The following MAPKAP1 variants were observed in gnomAD, a reference collection of about 807,000 sequenced individuals.
MAPKAP1 encodes target of rapamycin complex 2 subunit MAPKAP1.
Under a neutral mutation model 65.7 loss-of-function variants are expected in MAPKAP1, and 20 were observed. The observed-to-expected ratio is 0.30, with a 90% CI of 0.21 to 0.44. The LOEUF is 0.44. Among genes scored for constraint, MAPKAP1 ranks in the 20% least tolerant of loss-of-function variants. MAPKAP1 has a pLI of 1.00. For synonymous variants in MAPKAP1, 222 were observed against 244.3 expected (o/e 0.91, Z 0.85); for missense variants, 423 against 648.0 (o/e 0.65, Z 3.77).
intron 1 of MAPKAP1, among the ~76,000 whole-genome samples, chr9:125,703,143 G>C (rs1835653869): frequency 6.6e-6 from 1 of 152,220 alleles, no homozygotes; most frequent in Non-Finnish European, 1.5e-5. Flanking sequence ...AAGTGGAGCT[G>C]AGCAGCAACT....
chr9:125,511,494 C>T (rs562558352), intron 7 of MAPKAP1, among the ~76,000 whole-genome samples: 2 of 152,308 alleles, frequency 1.3e-5, no homozygotes, highest in African/African-American at 4.8e-5. Context: ...TTATGAACCA[C>T]AGCATCTCAC....
chr9:125,443,563 G>A (rs552199487), intron 11 of MAPKAP1, among the ~76,000 whole-genome samples: 4 of 152,220 alleles, frequency 2.6e-5, no homozygotes, highest in South Asian at 2.1e-4. Context: ...TCTTGGAAAC[G>A]TATGATCTCA....
intron 3 of MAPKAP1, among the ~76,000 whole-genome samples, chr9:125,660,404 A>G (rs144806735): frequency 0.017 from 2,643 of 152,290 alleles, 34 homozygotes; most frequent in Non-Finnish European, 0.028. Context: ...TAATATCTGT[A>G]CATTTCACCG....
At chr9:125,460,088 G>A (rs575495971) in intron 10 of MAPKAP1, among the ~76,000 whole-genome samples, 1 of 152,180 alleles carries the variant, frequency 6.6e-6, no homozygotes, top group Admixed American at 6.5e-5. Flanking sequence ...TTTCAGTAGG[G>A]AACAGCCCCT....
At chr9:125,606,915 G>A (rs1832454960) in intron 4 of MAPKAP1, among the ~76,000 whole-genome samples, 1 of 152,218 alleles carries the variant, frequency 6.6e-6, no homozygotes, top group Non-Finnish European at 1.5e-5. Flanking sequence ...TGGGTAGAAA[G>A]TGGAAAGCAA....
intron 5 of MAPKAP1, among the ~76,000 whole-genome samples, chr9:125,560,080 C>G (rs1830848149): frequency 6.6e-6 from 1 of 152,150 alleles, no homozygotes; most frequent in African/African-American, 2.4e-5. Flanking sequence ...GACAAAGAAC[C>G]TAACCTCTTA....
chr9:125,653,326 TAAATCTGA>T (rs1383247866), intron 4 of MAPKAP1, among the ~76,000 whole-genome samples: 7 of 152,240 alleles, frequency 4.6e-5, no homozygotes, highest in African/African-American at 1.7e-4. Context: ...AACTGTCGGT[TAAATCTGA>T]GGGTTTTTAT....
chr9:125,463,329 G>A (rs1180613021), intron 10 of MAPKAP1, among the ~76,000 whole-genome samples: 1 of 152,168 alleles, frequency 6.6e-6, no homozygotes, highest in Non-Finnish European at 1.5e-5. Context: ...TAACTGGCTT[G>A]GCCATTAAGG....
intron 4 of MAPKAP1, among the ~76,000 whole-genome samples, chr9:125,640,339 G>A (rs577990411): frequency 4.0e-5 from 6 of 151,790 alleles, no homozygotes; most frequent in African/African-American, 7.3e-5. Flanking sequence ...TTCTGACCTC[G>A]TGATCCGCCC....
At chr9:125,548,631 A>C (rs1360355376) in intron 6 of MAPKAP1, among the ~76,000 whole-genome samples, 1 of 152,212 alleles carries the variant, frequency 6.6e-6, no homozygotes, top group Non-Finnish European at 1.5e-5. Flanking sequence ...ATACTTCTAA[A>C]GTACTTACCA....
chr9:125,675,839 G>A (rs1222383625), intron 1 of MAPKAP1, among the ~76,000 whole-genome samples: 2 of 152,166 alleles, frequency 1.3e-5, no homozygotes, highest in African/African-American at 4.8e-5. Flanking sequence ...GTAAGTGTGT[G>A]ATTATAAATA....
At chr9:125,694,838 T>C (rs962513250) in intron 1 of MAPKAP1, among the ~76,000 whole-genome samples, 2 of 152,192 alleles carry the variant, frequency 1.3e-5, no homozygotes, top group East Asian at 3.8e-4. Context: ...ATATTTGTTC[T>C]GAAGTTATTA....
chr9:125,599,678 A>G (rs1019838497), intron 4 of MAPKAP1, among the ~76,000 whole-genome samples: 1 of 147,010 alleles, frequency 6.8e-6, no homozygotes, highest in Non-Finnish European at 1.5e-5. Context: ...ATGTCAGCTC[A>G]CTGCAACCTC....
intron 6 of MAPKAP1, among the ~76,000 whole-genome samples, chr9:125,544,025 C>T (rs943137441): frequency 7.3e-6 from 1 of 136,080 alleles, no homozygotes; most frequent in Non-Finnish European, 1.7e-5. Context: ...TTCATACACA[C>T]ACTTTTTTTT....
At chr9:125,483,360 T>C (rs1854386191) in intron 9 of MAPKAP1, among the ~76,000 whole-genome samples, 1 of 152,188 alleles carries the variant, frequency 6.6e-6, no homozygotes, top group Non-Finnish European at 1.5e-5. Context: ...ATATTGGAAG[T>C]TCCTGTCAGT....
intron 6 of MAPKAP1, among the ~76,000 whole-genome samples, chr9:125,547,972 T>C (rs965118243): frequency 2.0e-5 from 3 of 152,204 alleles, no homozygotes; most frequent in Non-Finnish European, 2.9e-5. Context: ...ACTTTTTGAT[T>C]TGCACAATAC....
At chr9:125,452,865 G>A (rs115343175) in intron 10 of MAPKAP1, among the ~76,000 whole-genome samples, 3 of 152,016 alleles carry the variant, frequency 2.0e-5, no homozygotes, top group Admixed American at 6.5e-5. Context: ...GTACTCCAGC[G>A]TGGGTAACAC....
Position 125,607,190 on chromosome 9 carries a change from A to C in MAPKAP1, c.499-21463T>G, listed in dbSNP as rs565466571. 2.1e-3 allele frequency among the ~76,000 whole-genome samples: 313 copies of C among 152,362 alleles called. 2 individuals carry two copies. The highest frequency in any genetic ancestry group is 3.7e-3 in the Non-Finnish European group (250 of 68,030). On this transcript the variant is annotated intron_variant, in intron 4 of 11. Coordinates refer to ENST00000265960, the MANE Select transcript of MAPKAP1 (RefSeq NM_001006617.3). ...AACTGCTGATAATCACTTATGACCTACAAAAATTGCAATTTCATAGGGTTT... is the reference window on the plus strand; with the variant it reads ...AACTGCTGATAATCACTTATGACCTCCAAAAATTGCAATTTCATAGGGTTT...
chr9:125,552,624 C>G (rs1200017102), intron 6 of MAPKAP1, among the ~76,000 whole-genome samples: 2 of 152,096 alleles, frequency 1.3e-5, no homozygotes, highest in Non-Finnish European at 2.9e-5. Flanking sequence ...GTAAATTATT[C>G]CCACTGAGAA....
Sources: allele counts gnomAD v4.1 joint callset (sites outside exome capture counted in the v4.1 genomes callset), GRCh38; gene constraint gnomAD v4.1.1; transcripts MANE v1.5; gene names NCBI Gene and HGNC (gene_info 2026-07-23, HGNC 2026-07-21).